The following PCDHA1 variants were observed in gnomAD, a reference collection of about 807,000 sequenced individuals.
PCDHA1 encodes the protein protocadherin alpha 1, also known as protocadherin alpha-1.
A neutral mutation model predicts 61.3 loss-of-function variants in PCDHA1; 42 were observed. That is an observed-to-expected ratio of 0.69 (90% CI 0.54 to 0.89). The LOEUF is 0.89. PCDHA1 is among the 40% of genes least tolerant of loss of function. PCDHA1 has a pLI of 0.00. For synonymous variants in PCDHA1, 610 were observed against 553.8 expected (o/e 1.10, Z -1.43); for missense variants, 1,256 against 1,235.3 (o/e 1.02, Z -0.25).
intron 1 of PCDHA1, chr5:140,801,654 T>C: frequency 6.2e-7 from 1 of 1,614,220 alleles, no homozygotes; most frequent in South Asian, 1.1e-5. Flanking sequence ...CTCTCGGTTT[T>C]CGCTAGAGGG....
At chr5:140,805,210 C>A in intron 1 of PCDHA1, 1 of 1,426,898 alleles carries the variant, frequency 7.0e-7, no homozygotes, top group Non-Finnish European at 9.2e-7. Context: ...ACCAAATAAA[C>A]ATTGTTTTCT....
rs112338455 is a variant in PCDHA1 at position 140,903,390 on chromosome 5, A to G, written c.2395-75559A>G. ...TATAGGGAGGATTGTGGTTACTTCT[A>G]GAAACAGTAGTGCAGTCAGGAAAAA... On this transcript the variant is annotated intron_variant, in intron 1 of 3. Coordinates refer to ENST00000504120, the MANE Select transcript of PCDHA1 (RefSeq NM_018900.4). Among the ~76,000 whole-genome samples the G allele has an allele frequency of 4.3e-3, 662 of 152,354 alleles. 6 individuals are homozygous for G. Among genetic ancestry groups the G allele is most frequent in the African/African-American group, 0.015 (618 of 41,596 alleles).
At chr5:141,007,395 CAAAAAAAA>C (rs35800918) in intron 3 of PCDHA1, among the ~76,000 whole-genome samples, 98 of 94,844 alleles carry the variant, frequency 1.0e-3, no homozygotes, top group African/African-American at 2.9e-3. Context: ...TACTAAAATA[CAAAAAAAA>C]AAAAAAAAAA....
intron 1 of PCDHA1, chr5:140,809,469 G>C (rs1655310932): frequency 6.2e-7 from 1 of 1,614,250 alleles, no homozygotes; most frequent in Non-Finnish European, 8.5e-7. Flanking sequence ...GTGTGCTCTG[G>C]TGAGGGCCCA....
chr5:140,983,100 T>C (rs2097027056), intron 3 of PCDHA1, among the ~76,000 whole-genome samples: 1 of 152,232 alleles, frequency 6.6e-6, no homozygotes, highest in African/African-American at 2.4e-5. Flanking sequence ...AATCTGCTTC[T>C]CTCTGCACAT....
At chr5:140,842,871 T>G in intron 1 of PCDHA1, 1 of 1,593,666 alleles carries the variant, frequency 6.3e-7, no homozygotes, top group Non-Finnish European at 8.6e-7. Context: ...AGCGGCAAGG[T>G]GTACGCGCTG....
intron 1 of PCDHA1, among the ~76,000 whole-genome samples, chr5:140,910,929 A>G (rs2075237197): frequency 6.6e-6 from 1 of 152,176 alleles, no homozygotes; most frequent in Admixed American, 6.5e-5. Flanking sequence ...TATAAATAAG[A>G]AAGCTCAAGC....
Position 140,854,236 on chromosome 5 carries a change from A to C in PCDHA1, c.2394+65552A>C, listed in dbSNP as rs2043047042. 3.1e-6 allele frequency: 2 copies of C among 638,488 alleles called. 1 individual carries two copies. The highest frequency in any genetic ancestry group is 4.0e-5 in the African/African-American group (2 of 50,146). The allele number at this position is 638,488 out of a possible 1,614,324, so 39.6% of individuals were successfully genotyped here. On this transcript the variant is annotated intron_variant, in intron 1 of 3. Transcript: ENST00000504120. ...ATTGGACATCTACATTGGGATATTT[A>C]TGTTATCACTTGGTATAAAATGTAC... is the stretch of plus-strand genomic sequence containing the variant.
At chr5:140,862,994 G>T (rs199654880) in intron 1 of PCDHA1, 1 of 549,002 alleles carries the variant, frequency 1.8e-6, no homozygotes. Flanking sequence ...GGTGCGCACG[G>T]TGGACTCCAG....
In PCDHA1 at chr5:140,843,187, C is replaced by T. The variant is rs2150354856; in HGVS notation, c.2394+54503C>T. ...CTGCAAGCAGCCCTCGCATCCCGTT[C>T]CGCGTGGGGCTGTACACGGGCGAGA... is the stretch of plus-strand genomic sequence containing the variant. On this transcript the variant is annotated intron_variant, in intron 1 of 3. Transcript: ENST00000504120. 32 of 1,595,934 alleles carry T rather than the reference C, an allele frequency of 2.0e-5. 2 individuals carry two copies. The East Asian group carries it at 2.0e-4, about 10-fold the overall frequency.
chr5:140,884,559 C>G lies in PCDHA1; in HGVS notation c.2395-94390C>G. On this transcript the variant is annotated intron_variant, in intron 1 of 3. Transcript: ENST00000504120. ...CCGAGGGTGTGCTCTGGGGAGGGCC[C>G]GCATAAGACGGACCTCATGGCCTTC... The G allele has an allele frequency of 1.2e-6, 2 of 1,614,094 alleles. No individual in the cohort carries two copies. The highest frequency in any genetic ancestry group is 1.7e-5 in the Admixed American group (1 of 59,984).
chr5:140,944,451 T>C (rs6878788), intron 1 of PCDHA1, among the ~76,000 whole-genome samples: 8,488 of 152,228 alleles, frequency 0.056, 701 homozygotes, highest in African/African-American at 0.18. Flanking sequence ...CCTCCCAAAG[T>C]GCTGGGATTA....
chr5:140,882,182 G>GACT (rs1284192603), intron 1 of PCDHA1: 2 of 1,518,394 alleles, frequency 1.3e-6, no homozygotes, highest in African/African-American at 2.8e-5. Flanking sequence ...TCCGCACTAG[G>GACT]AAGCCATAAA....
chr5:140,958,672 A>G (rs1554223601), intron 1 of PCDHA1, among the ~76,000 whole-genome samples: 1 of 152,218 alleles, frequency 6.6e-6, no homozygotes, highest in African/African-American at 2.4e-5. Context: ...AATTTTAATT[A>G]TAAAGGATAT....
At chr5:140,864,528 T>C (rs2048505938) in intron 1 of PCDHA1, 1 of 152,240 alleles carries the variant, frequency 6.6e-6, no homozygotes, top group Non-Finnish European at 1.5e-5. Context: ...TACTTCTTAA[T>C]TTTTGTCTTC....
chr5:140,877,201 G>T, intron 1 of PCDHA1: 1 of 1,613,830 alleles, frequency 6.2e-7, no homozygotes, highest in South Asian at 1.1e-5. Flanking sequence ...AGGAGGCGCA[G>T]TTAGCGAGTT....
chr5:140,884,229 A>T (rs2060058344), intron 1 of PCDHA1: 2 of 1,613,258 alleles, frequency 1.2e-6, no homozygotes. Flanking sequence ...GTGAAGGACC[A>T]CGGTGAGCCC....
chr5:140,793,374 G>A (rs1365766200), intron 1 of PCDHA1, among the ~76,000 whole-genome samples: 3 of 152,164 alleles, frequency 2.0e-5, no homozygotes, highest in East Asian at 1.9e-4. Context: ...TGCTTAAATC[G>A]GTTAACTTGG....
chr5:140,875,402 C>T, intron 1 of PCDHA1: 1 of 1,488,874 alleles, frequency 6.7e-7, no homozygotes, highest in Non-Finnish European at 8.9e-7. Flanking sequence ...AGGGTGACTG[C>T]TCATAAAATA....
Sources: allele counts gnomAD v4.1 joint callset (sites outside exome capture counted in the v4.1 genomes callset), GRCh38; gene constraint gnomAD v4.1.1; transcripts MANE v1.5; gene names NCBI Gene and HGNC (gene_info 2026-07-23, HGNC 2026-07-21).